MTCL1: variants seen among roughly 807,000 people sequenced by gnomAD.
The protein encoded by MTCL1 is microtubule crosslinking factor 1, also known as microtubule cross-linking factor 1.
MTCL1 carries 79 observed loss-of-function variants against 141.4 expected under a neutral mutation model. That is an observed-to-expected ratio of 0.56 (90% CI 0.47 to 0.67). The LOEUF is 0.67. Ranked by LOEUF, MTCL1 falls within the 30% of genes least tolerant of loss-of-function variation. The pLI, the probability that MTCL1 is intolerant of heterozygous loss-of-function variation, is 0.00. For synonymous variants in MTCL1, 914 were observed against 875.8 expected, an observed-to-expected ratio of 1.04 and a Z score of -0.77; for missense variants, 2,177 against 2,113.9, an observed-to-expected ratio of 1.03 and a Z score of -0.59.
rs757414979 is a variant in MTCL1, at chr18:8,722,841, C to T, written c.357+2345C>T. ...GTGTATACATTTGTGTATAACTAAA[C>T]ATAAATATATATTTTAAGTAGGTGA... On this transcript the variant is annotated intron_variant, in intron 4 of 16. Transcript: ENST00000359865. Among the ~76,000 whole-genome samples, 25 of 152,226 alleles carry T rather than the reference C, an allele frequency of 1.6e-4. No homozygotes were observed. The Middle Eastern group carries it at 0.01, about 62-fold the overall frequency.
chr18:8,805,189 C>A (rs2076256415), intron 10 of MTCL1, among the ~76,000 whole-genome samples: 1 of 151,386 alleles, frequency 6.6e-6, no homozygotes, highest in East Asian at 1.9e-4. Context: ...GAGGTGTGGG[C>A]TTCTAATGAC....
chr18:8,740,997 G>T (rs1378366870), intron 4 of MTCL1, among the ~76,000 whole-genome samples: 1 of 152,174 alleles, frequency 6.6e-6, no homozygotes, highest in Non-Finnish European at 1.5e-5. Context: ...CACAGACTCT[G>T]TGTTCTTTCC....
intron 4 of MTCL1, among the ~76,000 whole-genome samples, chr18:8,760,893 A>T (rs1163540135): frequency 6.6e-6 from 1 of 152,366 alleles, no homozygotes; most frequent in South Asian, 2.1e-4. Context: ...TTGAGAAATG[A>T]TGACTTCTTA....
At chr18:8,725,261 C>T (rs965718515) in intron 4 of MTCL1, among the ~76,000 whole-genome samples, 3 of 152,140 alleles carry the variant, frequency 2.0e-5, no homozygotes, top group South Asian at 2.1e-4. Flanking sequence ...AACTAAGAGA[C>T]GACTTCTTGC....
chr18:8,798,443 T>G, intron 10 of MTCL1, 152 bp downstream of exon 9: 2 of 623,478 alleles, frequency 3.2e-6, no homozygotes, highest in Non-Finnish European at 5.1e-6. Flanking sequence ...TTTGTGATGC[T>G]GGGTTTTTCC....
chr18:8,718,260 A>G (rs2096143233), intron 2 of MTCL1, among the ~76,000 whole-genome samples, 164 bp from the exon 2 acceptor site: 1 of 152,178 alleles, frequency 6.6e-6, no homozygotes, highest in Non-Finnish European at 1.5e-5. Context: ...CTCATATGCA[A>G]ATTTCCAGAG....
exon 6 of MTCL1, chr18:8,784,176 T>G: frequency 3.1e-6 from 5 of 1,613,842 alleles, no homozygotes; most frequent in Non-Finnish European, 4.2e-6. Context: ...GTGCTCAAAC[T>G]GCAGCACGAG....
chr18:8,733,262 C>CT (rs1429593873), intron 4 of MTCL1, among the ~76,000 whole-genome samples: 3 of 152,094 alleles, frequency 2.0e-5, no homozygotes, highest in Non-Finnish European at 4.4e-5. Flanking sequence ...ATTAGTAAAG[C>CT]TTTTTTTCAT....
At chr18:8,726,005 A>T (rs952654143) in intron 4 of MTCL1, among the ~76,000 whole-genome samples, 1 of 151,670 alleles carries the variant, frequency 6.6e-6, no homozygotes, top group Admixed American at 6.6e-5. Flanking sequence ...GTTAGCCAGG[A>T]TGGTCTCAAT....
intron 4 of MTCL1, among the ~76,000 whole-genome samples, chr18:8,773,058 CAATAA>C (rs1414690466): frequency 6.6e-6 from 1 of 152,012 alleles, no homozygotes; most frequent in Non-Finnish European, 1.5e-5. Flanking sequence ...TAAATATATA[CAATAA>C]AATAAAAGGA....
intron 7 of MTCL1, chr18:8,786,610 C>T (rs1202597442): frequency 2.9e-6 from 1 of 339,226 alleles, no homozygotes; most frequent in African/African-American, 2.1e-5. Context: ...TCTGTCACCA[C>T]AGTAACCCGG....
intron 13 of MTCL1, among the ~76,000 whole-genome samples, chr18:8,820,723 G>A (rs1568100401): frequency 1.3e-5 from 2 of 152,292 alleles, no homozygotes; most frequent in African/African-American, 4.8e-5. Flanking sequence ...CAGCCCACTG[G>A]ACCCTGCATG....
chr18:8,768,738 A>G (rs2096470879), intron 4 of MTCL1, among the ~76,000 whole-genome samples: 1 of 147,806 alleles, frequency 6.8e-6, no homozygotes, highest in Admixed American at 6.7e-5. Flanking sequence ...GGACTGGTAG[A>G]TTTCCTTCCA....
intron 4 of MTCL1, among the ~76,000 whole-genome samples, chr18:8,759,857 G>A (rs148122728): frequency 1.3e-5 from 2 of 152,238 alleles, no homozygotes; most frequent in African/African-American, 2.4e-5. Context: ...AGAGGTGCAC[G>A]TCCTGGCAGA....
Position 8,785,902 on chromosome 18 carries a change from C to T in MTCL1, c.1732-34C>T, listed in dbSNP as rs1051391325. 1.2e-5 allele frequency: 19 copies of T among 1,535,020 alleles called. No individual in the cohort carries two copies. In the East Asian group the frequency reaches 3.4e-4, roughly 28 times the overall value. On this transcript the variant is annotated intron_variant, in intron 6 of 16. Transcript: ENST00000359865. ...TTTTTTTGTTTAAAATTTTAAAGAA[C>T]AACAACAACAAATTCCTCCCGTGCA...
intron 4 of MTCL1, among the ~76,000 whole-genome samples, chr18:8,773,792 A>G (rs1598593269): frequency 6.6e-6 from 1 of 152,086 alleles, no homozygotes; most frequent in South Asian, 2.1e-4. Flanking sequence ...TCCTTTCCTC[A>G]CTAGTTCAAA....
intron 11 of MTCL1, among the ~76,000 whole-genome samples, chr18:8,812,243 T>C (rs1258891503): frequency 6.6e-6 from 1 of 152,262 alleles, no homozygotes; most frequent in Non-Finnish European, 1.5e-5. Flanking sequence ...AACTTCCTTT[T>C]TCATTTCCTG....
Position 8,810,817 on chromosome 18 carries a change from C to A in MTCL1, c.2605-2162C>A, listed in dbSNP as rs188319590. 7.9e-5 allele frequency among the ~76,000 whole-genome samples: 12 copies of A among 152,174 alleles called. No homozygotes were observed. Among genetic ancestry groups the A allele is most frequent in the Non-Finnish European group, 1.3e-4 (9 of 68,030 alleles). On this transcript the variant is annotated intron_variant, in intron 11 of 16. Transcript: ENST00000359865. The surrounding 1 kb of genome is among the most constrained non-coding windows in gnomAD (Gnocchi z 5.0). ...ATTTTATAAATAATTGATCAAGAAG[C>A]GTCACCACTGACCTGTGCCCGTGGC...
exon 6 of MTCL1, chr18:8,784,509 G>A (rs781600380): frequency 2.0e-5 from 32 of 1,597,910 alleles, no homozygotes; most frequent in Middle Eastern, 1.7e-4. Context: ...CGGCTAGAGC[G>A]GACGGTGGAG....
Sources: allele counts gnomAD v4.1 joint callset (sites outside exome capture counted in the v4.1 genomes callset), GRCh38; gene constraint gnomAD v4.1.1; non-coding constraint Gnocchi (gnomAD v3.1); transcripts MANE v1.5; gene names NCBI Gene and HGNC (gene_info 2026-07-23, HGNC 2026-07-21).